Variants in DTNA observed in about 807,000 individuals in gnomAD.
DTNA encodes the protein dystrobrevin alpha.
DTNA carries 43 observed loss-of-function variants against 100.7 expected under a neutral mutation model. The observed-to-expected ratio is 0.43, with a 90% confidence interval of 0.33 to 0.55. The LOEUF is 0.55. DTNA is among the 20% of genes least tolerant of loss of function. DTNA has a pLI of 0.04. For synonymous variants in DTNA, 349 were observed against 347.9 expected, an observed-to-expected ratio of 1.00 and a Z score of -0.04; for missense variants, 798 against 953.9, an observed-to-expected ratio of 0.84 and a Z score of 2.15.
intron 6 of DTNA, among the ~76,000 whole-genome samples, chr18:34,812,848 G>A (rs138436798): frequency 6.6e-6 from 1 of 152,290 alleles, no homozygotes; most frequent in African/African-American, 2.4e-5. Flanking sequence ...CCGGCAACAA[G>A]CTTTAACATT....
chr18:34,772,181 A>G (rs2093808340), intron 3 of DTNA, among the ~76,000 whole-genome samples: 1 of 152,210 alleles, frequency 6.6e-6, no homozygotes, highest in Non-Finnish European at 1.5e-5. Flanking sequence ...TCCATTAGTC[A>G]TATCAACTAA....
intron 1 of DTNA, among the ~76,000 whole-genome samples, chr18:34,600,006 A>T (rs1176667154): frequency 6.6e-6 from 1 of 152,106 alleles, no homozygotes; most frequent in Non-Finnish European, 1.5e-5. Context: ...TCTTTCATTG[A>T]TATTTTAAAT....
chr18:34,575,370 TTG>T (rs2048016067), intron 1 of DTNA, among the ~76,000 whole-genome samples: 1 of 152,230 alleles, frequency 6.6e-6, no homozygotes, highest in South Asian at 2.1e-4. Context: ...TTCATCTAAG[TTG>T]TCTCTTATTT....
chr18:34,606,317 A>G (rs1486232371), intron 1 of DTNA, among the ~76,000 whole-genome samples: 1 of 152,156 alleles, frequency 6.6e-6, no homozygotes, highest in African/African-American at 2.4e-5. Context: ...GATGGTATAT[A>G]TTTTCAAAAT....
chr18:34,545,635 G>T (rs1255927566), intron 1 of DTNA, among the ~76,000 whole-genome samples: 3 of 152,030 alleles, frequency 2.0e-5, no homozygotes, highest in Non-Finnish European at 4.4e-5. Context: ...TAAGGAATAT[G>T]AGTAACAAAA....
chr18:34,863,155 A>G (rs1417323829), intron 16 of DTNA, among the ~76,000 whole-genome samples: 1 of 152,228 alleles, frequency 6.6e-6, no homozygotes, highest in East Asian at 1.9e-4. Context: ...GAAAGTATAC[A>G]TATACTTCAG....
chr18:34,853,780 A>G (rs1324117369), intron 15 of DTNA, among the ~76,000 whole-genome samples: 2 of 152,220 alleles, frequency 1.3e-5, no homozygotes, highest in Non-Finnish European at 1.5e-5. Context: ...ATAAAAAAAA[A>G]TAGCCATACA....
intron 20 of DTNA, among the ~76,000 whole-genome samples, 187 bp downstream of exon 20, chr18:34,879,906 C>G (rs905741796): frequency 1.3e-5 from 2 of 152,120 alleles, no homozygotes; most frequent in Non-Finnish European, 2.9e-5. Context: ...TCCCCTCTTA[C>G]AATTTCCAGA....
At chr18:34,724,407 C>T (rs1396778912) in intron 1 of DTNA, among the ~76,000 whole-genome samples, 1 of 152,206 alleles carries the variant, frequency 6.6e-6, no homozygotes, top group Admixed American at 6.5e-5. Flanking sequence ...GTGAGAATTA[C>T]TACAAATTTA....
chr18:34,858,832 A>G (rs1465553815), intron 16 of DTNA, among the ~76,000 whole-genome samples: 2 of 151,970 alleles, frequency 1.3e-5, no homozygotes, highest in Non-Finnish European at 2.9e-5. Flanking sequence ...ACTGGTCGCA[A>G]ACTCCTGACC....
At position 34,818,276 on chromosome 18, in the gene DTNA, A is replaced by G; in HGVS notation, c.822A>G (p.Gly274=). The G allele has an allele frequency of 3.7e-6, 6 of 1,613,974 alleles. No homozygotes were observed. The highest frequency in any genetic ancestry group is 5.1e-6 in the Non-Finnish European group (6 of 1,179,936). ...YQLCQDCFWR[G]HAGGSHSNQH... The stretch of plus-strand genomic sequence containing the variant: ...TCTGTCAGGACTGCTTCTGGAGGGG[A>G]CATGCCGGTGGTTCTCATAGCAACC... Residue 274 remains glycine, a synonymous_variant, in exon 8 of 23, where the codon GGA becomes GGG. Coordinates refer to ENST00000444659, the MANE Select transcript of DTNA (RefSeq NM_001386795.1).
chr18:34,797,609 ATGT>A (rs2095035600), intron 4 of DTNA, among the ~76,000 whole-genome samples: 1 of 152,178 alleles, frequency 6.6e-6, no homozygotes, highest in Non-Finnish European at 1.5e-5. Context: ...AGGACCTTTA[ATGT>A]TGTTCTTATT....
At chr18:34,833,088 T>C (rs2149629976) in intron 11 of DTNA, among the ~76,000 whole-genome samples, 1 of 152,348 alleles carries the variant, frequency 6.6e-6, no homozygotes, top group East Asian at 1.9e-4. Flanking sequence ...ATTAATATAA[T>C]TTGTTTCTAT....
At chr18:34,747,399 T>C (rs2091776063) in intron 1 of DTNA, among the ~76,000 whole-genome samples, 1 of 152,058 alleles carries the variant, frequency 6.6e-6, no homozygotes, top group South Asian at 2.1e-4. Flanking sequence ...GTTACATGGA[T>C]AAGTTTTTTA....
chr18:34,685,473 G>C (rs982138766), intron 1 of DTNA, among the ~76,000 whole-genome samples: 1 of 151,974 alleles, frequency 6.6e-6, no homozygotes, highest in Non-Finnish European at 1.5e-5. Flanking sequence ...ATTTCTGAGG[G>C]CTCTGTTCTG....
At chr18:34,621,000 A>G (rs2056390854) in intron 1 of DTNA, among the ~76,000 whole-genome samples, 1 of 151,996 alleles carries the variant, frequency 6.6e-6, no homozygotes, top group Admixed American at 6.6e-5. Context: ...CCAGCTATTT[A>G]TTGCAAATTT....
intron 3 of DTNA, among the ~76,000 whole-genome samples, chr18:34,784,935 CTT>C (rs570123829): frequency 1.9e-4 from 26 of 138,480 alleles, no homozygotes; most frequent in Admixed American, 1.5e-4. Context: ...CTGAAATATT[CTT>C]TTTTTTTTTT....
chr18:34,697,533 A>G (rs2080747717), intron 1 of DTNA, among the ~76,000 whole-genome samples: 1 of 152,028 alleles, frequency 6.6e-6, no homozygotes, highest in African/African-American at 2.4e-5. Flanking sequence ...TGGAGAAGAG[A>G]TGACATTGTT....
At chr18:34,709,721 A>G (rs1439428493), upstream of DTNA, among the ~76,000 whole-genome samples, 1 of 152,214 alleles carries the variant, frequency 6.6e-6, no homozygotes, top group Admixed American at 6.5e-5. Flanking sequence ...AAATCTGTTT[A>G]AATAACAGTT....
Sources: gnomAD v4.1 joint callset for allele counts (sites outside exome capture counted in the v4.1 genomes callset) on GRCh38, gnomAD v4.1.1 for gene constraint, MANE v1.5 for transcripts, NCBI Gene and HGNC (gene_info 2026-07-23, HGNC 2026-07-21) for gene names.